The following KALRN variants were observed in gnomAD, a reference collection of about 807,000 sequenced individuals.
KALRN encodes kalirin RhoGEF kinase.
Under a neutral mutation model 353.7 loss-of-function variants are expected in KALRN, and 70 were observed. That is an observed-to-expected ratio of 0.20 (90% confidence interval 0.16 to 0.24). KALRN has a LOEUF of 0.24. Among genes scored for constraint, KALRN ranks in the 10% least tolerant of loss-of-function variants. The probability of loss-of-function intolerance (pLI) is 1.00; values close to 1 mark genes in which losing one functional copy is unlikely to be tolerated. For synonymous variants in KALRN, 1,391 were observed against 1,434.8 expected, an observed-to-expected ratio of 0.97 and a Z score of 0.69; for missense variants, 2,791 against 3,756.7, an observed-to-expected ratio of 0.74 and a Z score of 6.72.
chr3:124,344,219 A>G (rs1020207895), intron 9 of KALRN, among the ~76,000 whole-genome samples: 1 of 152,240 alleles, frequency 6.6e-6, no homozygotes, highest in African/African-American at 2.4e-5. Context: ...TTCTTTAACC[A>G]TTGATGTTCA....
intron 1 of KALRN, among the ~76,000 whole-genome samples, chr3:124,209,521 A>T (rs1357546037): frequency 2.2e-5 from 3 of 137,492 alleles, no homozygotes; most frequent in East Asian, 4.2e-4. Context: ...AAAAAAATCC[A>T]TGTCTAACTG....
chr3:124,047,667 TTA>T lies in KALRN; in HGVS notation c.73+13856_73+13857del, dbSNP rs1491063530. Among the ~76,000 whole-genome samples, 179 of 139,644 alleles carry T rather than the reference TTA, an allele frequency of 1.3e-3. 1 individual carries two copies. The highest frequency in any genetic ancestry group is 7.0e-3 in the Middle Eastern group (2 of 284). The allele number at this position is 139,644 out of a possible 152,430, so 91.6% of individuals were successfully genotyped here. ...GCCACCACGCCTGGCTAATTTTTTT[TTA>T]TTTTTTTTTATTTTTAGTAGAGACA... is the stretch of plus-strand genomic sequence containing the variant. On this transcript the variant is annotated intron_variant, in intron 1 of 59. Coordinates refer to ENST00000682506, the MANE Select transcript of KALRN (RefSeq NM_001388419.1).
At chr3:124,118,087 C>T (rs2063617012) in intron 1 of KALRN, among the ~76,000 whole-genome samples, 1 of 152,194 alleles carries the variant, frequency 6.6e-6, no homozygotes, top group African/African-American at 2.4e-5. Context: ...CAGGAAACCT[C>T]CCTGAGGGCT....
chr3:124,553,791 AC>A (rs1370764251), intron 33 of KALRN, among the ~76,000 whole-genome samples: 1 of 152,248 alleles, frequency 6.6e-6, no homozygotes, highest in Non-Finnish European at 1.5e-5. Flanking sequence ...CTCCCTGTAG[AC>A]AGGACAGTTG....
Position 124,334,325 on chromosome 3 carries a change from T to C in KALRN, c.1477T>C (p.Ser493Pro), listed in dbSNP as rs1375131220. The C allele has an allele frequency of 6.2e-7, 1 of 1,614,198 alleles. No homozygotes were observed. Among genetic ancestry groups the C allele is most frequent in the Non-Finnish European group, 8.5e-7 (1 of 1,180,030 alleles). Residue 493 changes from serine to proline, a missense_variant, in exon 9 of 60, where the codon TCC becomes CCC. Ser to Pro is a moderately conservative substitution (Grantham distance 74, BLOSUM62 -1). This residue lies in a region of KALRN where 366 missense variants were observed against 489.2 expected (regional missense o/e 0.75). Transcript: ENST00000682506. This position sits in a 1 kb window ranked among gnomAD's most constrained non-coding sequence, Gnocchi z 4.2. ...VLQRPLSPGN[S>P]ESLTATANYS... ...GCAGCGGCCCCTGAGCCCTGGGAAC[T>C]CCGAATCCCTCACGGCCACAGCCAA...
At chr3:124,533,479 T>C (rs766943779) in intron 33 of KALRN, among the ~76,000 whole-genome samples, 37 of 151,912 alleles carry the variant, frequency 2.4e-4, no homozygotes, top group Non-Finnish European at 3.7e-4. Flanking sequence ...CCATCTCTAC[T>C]AAAAAATACA....
chr3:124,519,852 G>C, intron 33 of KALRN: 1 of 985,356 alleles, frequency 1.0e-6, no homozygotes, highest in Non-Finnish European at 1.2e-6. Context: ...TCTAAAGCAG[G>C]CTGTTGATAT....
chr3:124,420,694 A>G (rs186066193), intron 14 of KALRN, among the ~76,000 whole-genome samples: 3 of 152,204 alleles, frequency 2.0e-5, no homozygotes, highest in Non-Finnish European at 2.9e-5. Flanking sequence ...ACATGAAAAG[A>G]TACTGAAATT....
rs1181605841 is a variant in KALRN, at chr3:124,667,048, G to A, written c.6568G>A (p.Asp2190Asn). Reference sequence around the variant, plus strand: ...GGTCCTGGAGGAGAATGTGGACAATGATCCCTGCAAGTTTGCACTCATGAA... The same window carrying A: ...GGTCCTGGAGGAGAATGTGGACAATAATCCCTGCAAGTTTGCACTCATGAA... ...YLVLEENVDN[D>N]PCKFALMNRE... The change falls in exon 47 of 60, where the codon GAT becomes AAT. Residue 2190 changes from aspartate (D) to asparagine (N), a missense_variant. Coordinates refer to ENST00000682506, the MANE Select transcript of KALRN (RefSeq NM_001388419.1). The A allele has an allele frequency of 2.5e-6, 4 of 1,613,602 alleles. No homozygotes were observed. The highest frequency in any genetic ancestry group is 3.4e-6 in the Non-Finnish European group (4 of 1,179,572).
At chr3:124,541,835 T>C (rs1036415847) in intron 33 of KALRN, among the ~76,000 whole-genome samples, 1 of 151,748 alleles carries the variant, frequency 6.6e-6, no homozygotes, top group Non-Finnish European at 1.5e-5. Flanking sequence ...GGAGTTGCAG[T>C]GAGCTGAGAT....
At chr3:124,688,741 C>G (rs1578960790) in intron 51 of KALRN, among the ~76,000 whole-genome samples, 1 of 151,478 alleles carries the variant, frequency 6.6e-6, no homozygotes, top group African/African-American at 2.4e-5. Context: ...CAGTTAACAA[C>G]TCATTTTCTA....
chr3:124,196,949 T>C (rs2075496554), intron 1 of KALRN, among the ~76,000 whole-genome samples: 1 of 152,206 alleles, frequency 6.6e-6, no homozygotes, highest in African/African-American at 2.4e-5. Context: ...TTAAATAATT[T>C]AAGTAATTTT....
At chr3:124,701,345 G>A (rs1180384088) in intron 56 of KALRN, among the ~76,000 whole-genome samples, 4 of 151,734 alleles carry the variant, frequency 2.6e-5, no homozygotes, top group Non-Finnish European at 5.9e-5. Context: ...TGCCTGAGAA[G>A]AGCGGGATAA....
Position 124,691,055 on chromosome 3 carries a change from G to C in KALRN, c.7378-2749G>C, listed in dbSNP as rs554010732. 4.1e-4 allele frequency among the ~76,000 whole-genome samples: 63 copies of C among 152,352 alleles called. No homozygotes were observed. The South Asian group carries it at 0.012, about 29-fold the overall frequency. On this transcript the variant is annotated intron_variant, in intron 51 of 59. Transcript: ENST00000682506. ...CTAGGGCCCTGAGGTACAAAGGTGA[G>C]TGACAAATACTTCCTGTCTTTGAAG...
intron 21 of KALRN, among the ~76,000 whole-genome samples, chr3:124,448,164 A>C (rs2093901388): frequency 6.6e-6 from 1 of 152,194 alleles, no homozygotes; most frequent in African/African-American, 2.4e-5. Context: ...AATGTGAAGA[A>C]TTGTTCAGTC....
At chr3:124,044,655 A>G (rs2040262905) in intron 1 of KALRN, among the ~76,000 whole-genome samples, 1 of 151,812 alleles carries the variant, frequency 6.6e-6, no homozygotes, top group Admixed American at 6.6e-5. Context: ...TAATAGATAT[A>G]TTCTGATAGT....
intron 1 of KALRN, among the ~76,000 whole-genome samples, chr3:124,166,870 C>G (rs1452067130): frequency 6.6e-6 from 1 of 152,016 alleles, no homozygotes; most frequent in Non-Finnish European, 1.5e-5. Context: ...AAAACCCCGT[C>G]TCTACTTAAA....
At chr3:124,638,084 A>G (rs1481796637) in intron 37 of KALRN, among the ~76,000 whole-genome samples, 2 of 152,166 alleles carry the variant, frequency 1.3e-5, no homozygotes, top group Non-Finnish European at 2.9e-5. Flanking sequence ...ACTCTCATCC[A>G]TATCACCCAT....
chr3:124,526,663 C>T (rs1577724530), intron 33 of KALRN, among the ~76,000 whole-genome samples: 1 of 152,042 alleles, frequency 6.6e-6, no homozygotes, highest in East Asian at 1.9e-4. Context: ...AGAGTAGCAC[C>T]ACTAGTCACA....
Sources: gnomAD v4.1 joint callset for allele counts (sites outside exome capture counted in the v4.1 genomes callset) on GRCh38, gnomAD v4.1.1 for gene constraint, gnomAD v4.1.1 regional missense constraint, Gnocchi (gnomAD v3.1) non-coding constraint, MANE v1.5 for transcripts, NCBI Gene and HGNC (gene_info 2026-07-23, HGNC 2026-07-21) for gene names.